P2RY14: variants seen among roughly 807,000 people sequenced by gnomAD.
P2RY14 encodes P2Y purinoceptor 14.
In P2RY14, 2 loss-of-function variants were observed where a neutral mutation model predicts 0.9. That is an observed-to-expected ratio of 2.16 (90% confidence interval 0.88 to 6.79). The LOEUF (loss-of-function observed/expected upper bound fraction) is 6.79, where lower values mean the gene tolerates loss of function less well. P2RY14 is among the 30% of genes most tolerant of loss of function. The probability of loss-of-function intolerance (pLI) is 0.05; values close to 1 mark genes in which losing one functional copy is unlikely to be tolerated. For synonymous variants in P2RY14, 158 were observed against 147.2 expected, an observed-to-expected ratio of 1.07 and a Z score of -0.53; for missense variants, 378 against 400.1, an observed-to-expected ratio of 0.94 and a Z score of 0.47.
chr3:151,275,427 C>T (rs1014385047), intron 1 of P2RY14, among the ~76,000 whole-genome samples: 1 of 152,090 alleles, frequency 6.6e-6, no homozygotes, highest in African/African-American at 2.4e-5. Context: ...TTTTCAAAAA[C>T]AACAGATGGG....
At chr3:151,219,973 C>T (rs1255842359) in intron 1 of P2RY14, among the ~76,000 whole-genome samples, 1 of 141,264 alleles carries the variant, frequency 7.1e-6, no homozygotes, top group Non-Finnish European at 1.5e-5. Context: ...GCCATGAAAT[C>T]ATAAGTCTAA....
At chr3:151,223,754 G>T (rs1424419156) in intron 1 of P2RY14, among the ~76,000 whole-genome samples, 1 of 152,180 alleles carries the variant, frequency 6.6e-6, no homozygotes, top group Non-Finnish European at 1.5e-5. Flanking sequence ...CACTATTTGG[G>T]TGATGGGTTC....
At chr3:151,277,339 T>C (rs182900620) in intron 1 of P2RY14, among the ~76,000 whole-genome samples, 2 of 152,216 alleles carry the variant, frequency 1.3e-5, no homozygotes, top group Admixed American at 1.3e-4. Context: ...TAAAATTCAT[T>C]GCATGTTTAC....
chr3:151,239,312 A>G (rs1224233195), intron 1 of P2RY14, among the ~76,000 whole-genome samples: 2 of 152,256 alleles, frequency 1.3e-5, no homozygotes, highest in African/African-American at 4.8e-5. Flanking sequence ...CAATATTGCA[A>G]TCATGCTTTA....
chr3:151,228,238 G>A (rs16863274), intron 1 of P2RY14, among the ~76,000 whole-genome samples: 1,937 of 152,274 alleles, frequency 0.013, 31 homozygotes, highest in African/African-American at 0.042. Context: ...CATGTATGGC[G>A]CTAGAATATT....
intron 1 of P2RY14, among the ~76,000 whole-genome samples, chr3:151,247,103 T>G: frequency 6.6e-6 from 1 of 152,068 alleles, no homozygotes; most frequent in Non-Finnish European, 1.5e-5. Context: ...AATTAAAAAG[T>G]CAGGAAACAA....
chr3:151,214,286 CTGGAGGCTGTG>C lies in P2RY14; in HGVS notation c.20_30del (p.Thr7ArgfsTer2). On this transcript the variant is annotated frameshift_variant, in exon 3 of 3. Transcript: ENST00000309170. LOFTEE classifies it low-confidence loss of function (END_TRUNC). ...AGGAGGTTCTGAGAGCAGGATTCAT[CTGGAGGCTGTG>C]TGGAGGTTGAATTGATCATCTTGTA... is the stretch of plus-strand genomic sequence containing the variant. 1 of 1,613,858 alleles carries C rather than the reference CTGGAGGCTGTG, an allele frequency of 6.2e-7. No individual in the cohort carries two copies.
intron 1 of P2RY14, among the ~76,000 whole-genome samples, chr3:151,261,829 A>C (rs1400599560): frequency 6.6e-6 from 1 of 152,078 alleles, no homozygotes; most frequent in African/African-American, 2.4e-5. Flanking sequence ...GGTTCAATAC[A>C]TTCTTGTGCC....
intron 1 of P2RY14, among the ~76,000 whole-genome samples, chr3:151,252,054 T>C (rs1033461581): frequency 2.0e-5 from 3 of 152,222 alleles, no homozygotes; most frequent in Non-Finnish European, 2.9e-5. Context: ...GGAAACATAC[T>C]ACTTTCAGAT....
intron 1 of P2RY14, among the ~76,000 whole-genome samples, chr3:151,275,916 G>A (rs539444987): frequency 1.3e-5 from 2 of 152,196 alleles, no homozygotes; most frequent in South Asian, 4.1e-4. Flanking sequence ...GTGATGGTGG[G>A]GAGGCTATGG....
rs370058288 is a variant in P2RY14, at chr3:151,214,131, G to A, written c.186C>T (p.Asn62=). 2.7e-5 allele frequency: 43 copies of A among 1,614,036 alleles called. No homozygotes were observed. In the African/African-American group the frequency reaches 3.7e-4, roughly 14 times the overall value. The part of the protein sequence containing the change: ...SSKSFIIYLK[N]IVIADFVMSL... ...TCATCACAAAGTCAGCAATAACAAT[G>A]TTCTTGAGATAGATGATGAAACTCT... is the stretch of plus-strand genomic sequence containing the variant. The change falls in exon 3 of 3, where the codon AAC becomes AAT. Residue 62 remains asparagine (N), a synonymous_variant. Coordinates refer to ENST00000309170, the MANE Select transcript of P2RY14 (RefSeq NM_014879.4).
chr3:151,213,467 A>C lies in P2RY14; in HGVS notation c.850T>G (p.Ser284Ala), dbSNP rs1415191890. Residue 284 changes from serine to alanine, a missense_variant, in exon 3 of 3, where the codon TCT (serine) becomes GCT (alanine). Physicochemically the swap from Ser to Ala is moderately conservative, Grantham distance 99. Transcript: ENST00000309170. Reference protein sequence around the residue: ...RYMKEFTLLLSAANVCLDPII... With the variant: ...RYMKEFTLLLAAANVCLDPII... ...GGGTCCAAGCATACATTTGCAGCAG[A>C]TAGTAGCAGAGTGAATTCTTTCATA... 6.2e-7 allele frequency: 1 copy of C among 1,614,096 alleles called. No individual in the cohort carries two copies. The highest frequency in any genetic ancestry group is 1.3e-5 in the African/African-American group (1 of 74,950).
chr3:151,235,022 TG>T (rs1238476863), intron 1 of P2RY14, among the ~76,000 whole-genome samples: 11 of 152,350 alleles, frequency 7.2e-5, no homozygotes, highest in African/African-American at 2.6e-4. Context: ...CGTGTTTTTT[TG>T]TATGCGGTGG....
intron 1 of P2RY14, among the ~76,000 whole-genome samples, chr3:151,256,656 T>C (rs942149888): frequency 1.3e-5 from 2 of 152,204 alleles, no homozygotes; most frequent in African/African-American, 4.8e-5. Context: ...CTTATTACAC[T>C]AAAGATGAGT....
At position 151,213,125 on chromosome 3, in the gene P2RY14, T is replaced by A. The variant is rs1368613618; in HGVS notation, c.*175A>T. 1.9e-6 allele frequency: 1 copy of A among 521,378 alleles called. No homozygotes were observed. The highest frequency in any genetic ancestry group is 3.3e-6 in the Non-Finnish European group (1 of 301,196). The allele number at this position is 521,378 out of a possible 1,614,324, so 32.3% of individuals were successfully genotyped here. A position where few individuals can be genotyped will look rare whatever the true frequency, so the allele number is the denominator to read the frequency against. ...TTAGAGAAATTACTGATGGGTATGT[T>A]TTCTTTGATGTTACAAAAAAGCATG... On this transcript the variant is annotated 3_prime_UTR_variant, in exon 3 of 3. Transcript: ENST00000309170.
At chr3:151,241,474 A>T (rs1033839716) in intron 1 of P2RY14, among the ~76,000 whole-genome samples, 1 of 152,182 alleles carries the variant, frequency 6.6e-6, no homozygotes, top group African/African-American at 2.4e-5. Flanking sequence ...TTGAAGAAAC[A>T]CTAAAGGCAG....
At chr3:151,245,080 A>C (rs1735106863) in intron 1 of P2RY14, among the ~76,000 whole-genome samples, 1 of 152,234 alleles carries the variant, frequency 6.6e-6, no homozygotes, top group Admixed American at 6.5e-5. Context: ...AAGAAGTTGA[A>C]TCTCTGAATA....
At chr3:151,229,420 C>T (rs113876166) in intron 1 of P2RY14, among the ~76,000 whole-genome samples, 22 of 149,978 alleles carry the variant, frequency 1.5e-4, no homozygotes, top group African/African-American at 2.7e-4. Context: ...GATTCTCCTG[C>T]GTCAGCCTCC....
At chr3:151,256,800 T>C (rs1157272396) in intron 1 of P2RY14, among the ~76,000 whole-genome samples, 2 of 150,476 alleles carry the variant, frequency 1.3e-5, no homozygotes, top group East Asian at 3.9e-4. Context: ...AGCTGACTGG[T>C]TATTAATCCA....
Sources: allele counts gnomAD v4.1 joint callset (sites outside exome capture counted in the v4.1 genomes callset), GRCh38; gene constraint gnomAD v4.1.1; transcripts MANE v1.5; gene names NCBI Gene and HGNC (gene_info 2026-07-23, HGNC 2026-07-21).